The following CNTN1 variants were observed in gnomAD, a reference collection of about 807,000 sequenced individuals.
CNTN1 encodes the protein contactin 1, also known as contactin-1.
A neutral mutation model predicts 126.4 loss-of-function variants in CNTN1; 38 were observed. The observed-to-expected ratio is 0.30, with a 90% CI of 0.23 to 0.39. The LOEUF is 0.39. Among genes scored for constraint, CNTN1 ranks in the 10% least tolerant of loss-of-function variants. CNTN1 has a pLI of 1.00. For missense variants in CNTN1, 1,009 were observed against 1,248.4 expected (o/e 0.81, Z 2.89); for synonymous variants, 413 against 422.6 (o/e 0.98, Z 0.28).
chr12:41,053,976 C>G (rs1436967815), intron 23 of CNTN1, among the ~76,000 whole-genome samples: 1 of 151,588 alleles, frequency 6.6e-6, no homozygotes, highest in African/African-American at 2.4e-5. Context: ...TTGTAAAACA[C>G]TAATCAATAT....
At chr12:41,003,216 T>C (rs532666117) in intron 17 of CNTN1, among the ~76,000 whole-genome samples, 2 of 152,344 alleles carry the variant, frequency 1.3e-5, no homozygotes, top group East Asian at 3.9e-4. Flanking sequence ...GGTTTTTGTC[T>C]TTAATTCTGT....
chr12:41,064,005 C>A (rs971557128), intron 23 of CNTN1, among the ~76,000 whole-genome samples: 2 of 151,976 alleles, frequency 1.3e-5, no homozygotes, highest in African/African-American at 4.8e-5. Flanking sequence ...GAAACCCCAT[C>A]TCTACTAAAA....
chr12:40,759,401 T>C (rs553671518), intron 1 of CNTN1, among the ~76,000 whole-genome samples: 2 of 152,118 alleles, frequency 1.3e-5, no homozygotes, highest in Admixed American at 1.3e-4. Flanking sequence ...TCTTTTTCTT[T>C]TTCCTTTTTT....
In CNTN1 at chr12:41,072,259, G is replaced by A. The variant is rs1950170643; in HGVS notation, c.*2224G>A. Reference sequence around the variant, plus strand: ...TGTTTCTTTGTATTTCAGGAAAGGTGATAGTAGTTTTATTTGATACTGATA... The same window carrying A: ...TGTTTCTTTGTATTTCAGGAAAGGTAATAGTAGTTTTATTTGATACTGATA... On this transcript the variant is annotated 3_prime_UTR_variant, in exon 24 of 24. Coordinates refer to ENST00000551295, the MANE Select transcript of CNTN1 (RefSeq NM_001843.4). 1 of 152,142 alleles carries A rather than the reference G, an allele frequency of 6.6e-6. No individual in the cohort carries two copies. The highest frequency in any genetic ancestry group is 1.5e-5 in the Non-Finnish European group (1 of 68,014). The allele number at this position is 152,142 out of a possible 1,614,324, so 9.4% of individuals were successfully genotyped here.
At chr12:40,710,247 A>G (rs967346163) in intron 1 of CNTN1, among the ~76,000 whole-genome samples, 1 of 152,064 alleles carries the variant, frequency 6.6e-6, no homozygotes, top group African/African-American at 2.4e-5. Context: ...TGTCTCAAGG[A>G]ATGGGAAGGC....
At chr12:40,947,828 C>CACACACAT (rs1183593623) in intron 14 of CNTN1, among the ~76,000 whole-genome samples, 2 of 142,910 alleles carry the variant, frequency 1.4e-5, no homozygotes, top group African/African-American at 5.2e-5. Context: ...CACACACACA[C>CACACACAT]ATATGTATTA....
At chr12:40,917,526 C>T (rs1329520213) in intron 3 of CNTN1, among the ~76,000 whole-genome samples, 2 of 152,122 alleles carry the variant, frequency 1.3e-5, no homozygotes, top group East Asian at 3.8e-4. Flanking sequence ...TCGAACAGCA[C>T]TCTCATCTTC....
chr12:40,932,283 C>T (rs971072707), intron 7 of CNTN1, among the ~76,000 whole-genome samples: 2 of 151,946 alleles, frequency 1.3e-5, no homozygotes, highest in African/African-American at 2.4e-5. Flanking sequence ...GTGAATAAGT[C>T]TCATGAGATC....
intron 1 of CNTN1, chr12:40,728,913 T>C (rs1431164047): frequency 6.6e-6 from 1 of 152,354 alleles, no homozygotes; most frequent in Non-Finnish European, 1.5e-5. Flanking sequence ...TCACAGAATA[T>C]TTCAAAGAAA....
intron 1 of CNTN1, among the ~76,000 whole-genome samples, chr12:40,834,822 T>C (rs527288842): frequency 3.2e-4 from 49 of 152,192 alleles, no homozygotes; most frequent in Non-Finnish European, 6.8e-4. Context: ...GATGATCATC[T>C]TCTATAGAAG....
At chr12:40,918,571 TCAA>T in intron 3 of CNTN1, 65 bp from the exon 4 acceptor site, 1 of 1,404,726 alleles carries the variant, frequency 7.1e-7, no homozygotes, top group South Asian at 1.2e-5. Context: ...TAATTTTTTT[TCAA>T]TGTTCTCAAA....
intron 23 of CNTN1, among the ~76,000 whole-genome samples, chr12:41,069,314 G>A (rs886736175): frequency 6.6e-6 from 1 of 152,120 alleles, no homozygotes; most frequent in Non-Finnish European, 1.5e-5. Flanking sequence ...AAGTCATTCT[G>A]TATAAATGTA....
chr12:40,721,239 A>T (rs1381459486), intron 1 of CNTN1, among the ~76,000 whole-genome samples: 1 of 152,064 alleles, frequency 6.6e-6, no homozygotes, highest in Non-Finnish European at 1.5e-5. Context: ...TTTCATAGCA[A>T]TCTCATGTGC....
intron 1 of CNTN1, among the ~76,000 whole-genome samples, chr12:40,806,494 G>T (rs1006934667): frequency 9.2e-5 from 14 of 152,106 alleles, no homozygotes; most frequent in African/African-American, 3.4e-4. Flanking sequence ...TCAGGGAAGT[G>T]CATGGCATCA....
chr12:40,812,003 CTT>C (rs145863089), intron 1 of CNTN1, among the ~76,000 whole-genome samples: 15 of 142,650 alleles, frequency 1.1e-4, no homozygotes, highest in African/African-American at 3.8e-4. Context: ...TGAGATCTTT[CTT>C]TTTTTTTTAA....
chr12:40,969,570 T>A (rs928097527), intron 15 of CNTN1, among the ~76,000 whole-genome samples: 1 of 152,320 alleles, frequency 6.6e-6, no homozygotes, highest in African/African-American at 2.4e-5. Context: ...TCATAACTGA[T>A]TGCAGATTTT....
intron 14 of CNTN1, among the ~76,000 whole-genome samples, chr12:40,956,202 T>C (rs1282598060): frequency 6.6e-5 from 10 of 152,056 alleles, no homozygotes; most frequent in Non-Finnish European, 1.5e-4. Flanking sequence ...ATATTTAGCG[T>C]GATTATTTGC....
intron 19 of CNTN1, among the ~76,000 whole-genome samples, chr12:41,018,710 GTGTA>G (rs919015302): frequency 2.0e-5 from 3 of 149,768 alleles, no homozygotes; most frequent in African/African-American, 7.4e-5. Flanking sequence ...GTGTGTGTGT[GTGTA>G]TGTGTATGTG....
At chr12:40,957,456 T>G (rs1470109977) in intron 14 of CNTN1, among the ~76,000 whole-genome samples, 1 of 151,634 alleles carries the variant, frequency 6.6e-6, no homozygotes, top group Non-Finnish European at 1.5e-5. Flanking sequence ...CCTTTTTTTT[T>G]TTTTTGATAT....
Sources: gnomAD v4.1 joint callset for allele counts (sites outside exome capture counted in the v4.1 genomes callset) on GRCh38, gnomAD v4.1.1 for gene constraint, MANE v1.5 for transcripts, NCBI Gene and HGNC (gene_info 2026-07-23, HGNC 2026-07-21) for gene names.